The following CAPN14 variants were observed in gnomAD, a reference collection of about 807,000 sequenced individuals.
CAPN14 encodes calpain 14.
Under a neutral mutation model 101.3 loss-of-function variants are expected in CAPN14, and 94 were observed. That is an observed-to-expected ratio of 0.93 (90% CI 0.79 to 1.10). The LOEUF is 1.10. Among genes scored for constraint, CAPN14 ranks in the 50% least tolerant of loss-of-function variants. The pLI is 0.00. For missense variants in CAPN14, 837 were observed against 828.4 expected (o/e 1.01, Z -0.13); for synonymous variants, 338 against 317.9 (o/e 1.06, Z -0.67).
At chr2:31,223,648 C>T (rs1682930306) in intron 2 of CAPN14, among the ~76,000 whole-genome samples, 1 of 151,224 alleles carries the variant, frequency 6.6e-6, no homozygotes, top group African/African-American at 2.4e-5. Flanking sequence ...CCTGCTTCAG[C>T]CTCCCAAGTA....
At chr2:31,187,372 C>T (rs1361019369) in intron 15 of CAPN14, among the ~76,000 whole-genome samples, 2 of 152,176 alleles carry the variant, frequency 1.3e-5, no homozygotes, top group East Asian at 1.9e-4. Context: ...CCTGCGCTCC[C>T]CTCCAATGAC....
At chr2:31,189,805 G>A (rs867751607) in intron 12 of CAPN14, 18 of 470,676 alleles carry the variant, frequency 3.8e-5, no homozygotes, top group African/African-American at 2.0e-4. Flanking sequence ...AGGCTTAGAC[G>A]GGTTAGGTCA....
chr2:31,214,245 G>A (rs4952066), intron 1 of CAPN14, among the ~76,000 whole-genome samples: 86,732 of 151,996 alleles, frequency 0.57, 25,798 homozygotes, highest in East Asian at 0.94. Context: ...ACAATAAAGC[G>A]TGCCCTCCCC....
At position 31,180,962 on chromosome 2, in the gene CAPN14, A is replaced by G. The variant is rs1473516092; in HGVS notation, c.1684T>C (p.Cys562Arg). ...TCCAGTAAGGCCAGGATCCCCTGGC[A>G]GGCTTCCAGGCTAAAGAAGGGCTGT... ...SRQPFFSLEA[C>R]QGILALLDLN... The change falls in exon 17 of 22, where the codon TGC becomes CGC. Residue 562 changes from cysteine to arginine, a missense_variant. Cys to Arg is a radical substitution (Grantham distance 180). Coordinates refer to ENST00000403897, the MANE Select transcript of CAPN14 (RefSeq NM_001145122.2). 3 of 1,551,716 alleles carry G rather than the reference A, an allele frequency of 1.9e-6. No individual in the cohort carries two copies. The highest frequency in any genetic ancestry group is 2.7e-5 in the African/African-American group (2 of 73,062).
chr2:31,186,723 C>T (rs1299288150), intron 15 of CAPN14, among the ~76,000 whole-genome samples: 1 of 152,174 alleles, frequency 6.6e-6, no homozygotes, highest in African/African-American at 2.4e-5. Context: ...GTTTGAATTT[C>T]ATTCTCAATA....
Position 31,193,228 on chromosome 2 carries a change from C to T in CAPN14, c.1017G>A (p.Leu339=), listed in dbSNP as rs749566695. The part of the protein sequence containing the change: ...LLVICKLTPG[L]LSQEAAQKWT... ...ACTTCTGGGCCGCCTCCTGGCTCAA[C>T]AGGCCTGGGGTCAGTTTACAGATAA... Residue 339 remains leucine (L), a synonymous_variant, in exon 10 of 22, where the codon CTG becomes CTA. Coordinates refer to ENST00000403897, the MANE Select transcript of CAPN14 (RefSeq NM_001145122.2). The T allele has an allele frequency of 1.3e-6, 2 of 1,551,772 alleles. No individual in the cohort carries two copies. The highest frequency in any genetic ancestry group is 2.4e-5 in the East Asian group (1 of 40,918).
chr2:31,223,877 T>A (rs28540753), intron 2 of CAPN14, among the ~76,000 whole-genome samples: 23,552 of 152,150 alleles, frequency 0.15, 2,267 homozygotes, highest in African/African-American at 0.27. Context: ...GCTGTCACTG[T>A]GCAAATGAAA....
intron 6 of CAPN14, 69 bp downstream of exon 6, chr2:31,200,382 T>C (rs1681691845): frequency 1.5e-6 from 2 of 1,365,848 alleles, no homozygotes; most frequent in African/African-American, 1.4e-5. Flanking sequence ...CAGGTGAGGG[T>C]AGTGGTGGTG....
chr2:31,203,666 A>G (rs992063558), intron 2 of CAPN14, among the ~76,000 whole-genome samples: 2 of 152,120 alleles, frequency 1.3e-5, no homozygotes, highest in East Asian at 1.9e-4. Flanking sequence ...CAGAGTCTCT[A>G]TGTCAGCAGT....
intron 12 of CAPN14, among the ~76,000 whole-genome samples, chr2:31,191,063 T>C (rs1681151604): frequency 6.6e-6 from 1 of 152,200 alleles, no homozygotes. Context: ...ATGATTGTAA[T>C]TTATCATCTT....
At chr2:31,174,730 T>C (rs537213844) in intron 21 of CAPN14, 23 bp from the exon 22 acceptor site, 14 of 1,551,380 alleles carry the variant, frequency 9.0e-6, no homozygotes, top group Non-Finnish European at 1.1e-5. Context: ...GGAAAGCAAA[T>C]GATGGTCAGT....
intron 3 of CAPN14, among the ~76,000 whole-genome samples, chr2:31,202,800 A>T (rs1681863778): frequency 2.0e-5 from 3 of 152,178 alleles, no homozygotes; most frequent in Admixed American, 2.0e-4. Context: ...CATTTTCCAA[A>T]TTTAAATTTA....
intron 15 of CAPN14, among the ~76,000 whole-genome samples, chr2:31,187,165 C>T (rs565826496): frequency 2.6e-5 from 4 of 152,270 alleles, no homozygotes; most frequent in East Asian, 1.9e-4. Flanking sequence ...GTATGTTTCT[C>T]GCCCTGTTCC....
At chr2:31,223,455 C>T (rs190036143) in intron 2 of CAPN14, among the ~76,000 whole-genome samples, 23 of 152,228 alleles carry the variant, frequency 1.5e-4, no homozygotes, top group African/African-American at 5.3e-4. Context: ...GTCAGTTCAA[C>T]ATCCTACCCT....
In CAPN14 at chr2:31,198,908, C is replaced by T. The variant is rs1453592376; in HGVS notation, c.789+562G>A. 2.6e-5 allele frequency among the ~76,000 whole-genome samples: 4 copies of T among 152,208 alleles called. No homozygotes were observed. The South Asian group carries it at 6.2e-4, about 24-fold the overall frequency. ...CTTCTGACTTCTCCCCAGCCCAACT[C>T]GATGGAGGTCTTTTCTCTTATCCAT... is the stretch of plus-strand genomic sequence containing the variant. On this transcript the variant is annotated intron_variant, in intron 7 of 21. Coordinates refer to ENST00000403897, the MANE Select transcript of CAPN14 (RefSeq NM_001145122.2).
Position 31,174,611 on chromosome 2 carries a change from G to T in CAPN14, c.*70C>A. 6.7e-7 allele frequency: 1 copy of T among 1,489,890 alleles called. No homozygotes were observed. The highest frequency in any genetic ancestry group is 9.2e-7 in the Non-Finnish European group (1 of 1,091,868). 92.3% of individuals were successfully genotyped at this position (1,489,890 alleles called of 1,614,324 possible). ...TCAGTAAGTAGGGTGGGCATGGGTT[G>T]GTCTCAGCCAAAGGCTGCTCTTGGG... On this transcript the variant is annotated 3_prime_UTR_variant, in exon 22 of 22. Coordinates refer to ENST00000403897, the MANE Select transcript of CAPN14 (RefSeq NM_001145122.2).
At chr2:31,195,526 G>A (rs1681423378) in intron 8 of CAPN14, among the ~76,000 whole-genome samples, 3 of 152,070 alleles carry the variant, frequency 2.0e-5, no homozygotes, top group South Asian at 2.1e-4. Context: ...TAGTAGAGAC[G>A]TGGTTTTACC....
At chr2:31,231,909 C>A (rs1054268445) in intron 1 of CAPN14, among the ~76,000 whole-genome samples, 1 of 152,180 alleles carries the variant, frequency 6.6e-6, no homozygotes, top group Non-Finnish European at 1.5e-5. Context: ...TGTTAAATAT[C>A]TTTAATATTA....
intron 16 of CAPN14, among the ~76,000 whole-genome samples, chr2:31,181,589 G>C (rs1389520346): frequency 9.6e-5 from 14 of 146,300 alleles, no homozygotes; most frequent in Non-Finnish European, 1.3e-4. Flanking sequence ...AGTTACGTAT[G>C]TATACATGTG....
Sources: gnomAD v4.1 joint callset for allele counts (sites outside exome capture counted in the v4.1 genomes callset) on GRCh38, gnomAD v4.1.1 for gene constraint, MANE v1.5 for transcripts, NCBI Gene and HGNC (gene_info 2026-07-23, HGNC 2026-07-21) for gene names.